The following SLC10A1 variants were observed in gnomAD, a reference collection of about 807,000 sequenced individuals.
The protein encoded by SLC10A1 is solute carrier family 10 member 1.
SLC10A1 carries 36 observed loss-of-function variants against 20.5 expected under a neutral mutation model. The ratio of observed to expected loss-of-function variants is 1.75; its 90% confidence interval spans 1.34 to 2.32. The LOEUF (loss-of-function observed/expected upper bound fraction) is 2.32. Ranked by LOEUF, SLC10A1 falls within the 30% of genes most tolerant of loss-of-function variation. SLC10A1 has a pLI of 0.00. For synonymous variants in SLC10A1, 188 were observed against 163.6 expected (o/e 1.15, Z -1.14); for missense variants, 545 against 439.1 (o/e 1.24, Z -2.16).
intron 4 of SLC10A1, among the ~76,000 whole-genome samples, chr14:69,777,984 C>G (rs1883488772): frequency 6.6e-6 from 1 of 152,064 alleles, no homozygotes; most frequent in Non-Finnish European, 1.5e-5. Context: ...TTCCCCAACT[C>G]TTGCGAATAG....
intron 1 of SLC10A1, among the ~76,000 whole-genome samples, chr14:69,789,414 ATG>A (rs1883793262): frequency 2.0e-5 from 3 of 152,378 alleles, no homozygotes; most frequent in African/African-American, 7.2e-5. Context: ...TATCACATGA[ATG>A]AACCTTGAAA....
At chr14:69,780,270 C>T (rs1166726978) in intron 2 of SLC10A1, among the ~76,000 whole-genome samples, 1 of 152,222 alleles carries the variant, frequency 6.6e-6, no homozygotes, top group Non-Finnish European at 1.5e-5. Flanking sequence ...TGCATGTGCA[C>T]TCCATGCACT....
At chr14:69,792,833 C>A (rs1451060733) in intron 1 of SLC10A1, among the ~76,000 whole-genome samples, 32 of 122,146 alleles carry the variant, frequency 2.6e-4, no homozygotes, top group Admixed American at 4.0e-4. Flanking sequence ...GCCTATTTCT[C>A]AAAAAAAAAA....
At position 69,776,381 on chromosome 14, in the gene SLC10A1, T is replaced by G. The variant is rs944531709; in HGVS notation, c.951A>C (p.Thr317=). The change falls in exon 5 of 5, where the codon ACA becomes ACC. Residue 317 remains threonine, a synonymous_variant. Transcript: ENST00000216540. ...YEKFKTPKDK[T]KMIYTAATTE... The stretch of plus-strand genomic sequence containing the variant: ...TTGTGGCAGCTGTGTAGATCATTTT[T>G]GTTTTATCTGTAAAGTTAAAAAGGG... The G allele has an allele frequency of 5.0e-6, 8 of 1,609,330 alleles. No individual in the cohort carries two copies. The highest frequency in any genetic ancestry group is 6.8e-6 in the Non-Finnish European group (8 of 1,177,902).
At chr14:69,777,026 AC>A (rs2139708423) in intron 4 of SLC10A1, among the ~76,000 whole-genome samples, 1 of 152,328 alleles carries the variant, frequency 6.6e-6, no homozygotes, top group Admixed American at 6.5e-5. Flanking sequence ...CTTCTGAGAT[AC>A]ACTGTGAGGA....
intron 4 of SLC10A1, among the ~76,000 whole-genome samples, chr14:69,777,591 TTTTTTTTTTTTTTTA>T (rs1453835018): frequency 1.0e-4 from 10 of 96,574 alleles, no homozygotes; most frequent in East Asian, 2.6e-4. Context: ...TTTTTTTTTT[TTTTTTTTTTTTTTTA>T]AAATTGGTGT....
rs1263871879 is a variant in SLC10A1 at position 69,786,275 on chromosome 14, G to A, written c.389C>T (p.Ala130Val). The A allele has an allele frequency of 6.2e-7, 1 of 1,614,116 alleles. No homozygotes were observed. The highest frequency in any genetic ancestry group is 8.5e-7 in the Non-Finnish European group (1 of 1,180,014). The change falls in exon 2 of 5, where the codon GCC (alanine) becomes GTC (valine). Residue 130 changes from alanine to valine, a missense_variant. Transcript: ENST00000216540. ...IVMTTCSTFC[A>V]LGMMPLLLYI... Reference sequence around the variant, plus strand: ...CAGGAGGAGAGGCATCATGCCAAGGGCACAGAAGGTGGAGCAGGTGGTCAT... The same window carrying A: ...CAGGAGGAGAGGCATCATGCCAAGGACACAGAAGGTGGAGCAGGTGGTCAT...
intron 1 of SLC10A1, 35 bp downstream of exon 1, chr14:69,796,765 G>C: frequency 6.5e-7 from 1 of 1,533,820 alleles, no homozygotes. Context: ...TGTAGCTCCT[G>C]TCCCAGGCTG....
rs759955185 is a variant in SLC10A1, at chr14:69,779,288, T to C, written c.640A>G (p.Ile214Val). 3 of 1,613,904 alleles carry C rather than the reference T, an allele frequency of 1.9e-6. No individual in the cohort carries two copies. In the East Asian group the frequency reaches 6.7e-5, roughly 36 times the overall value. Residue 214 changes from isoleucine (I) to valine (V), a missense_variant, in exon 3 of 5, where the codon ATC becomes GTC. By Grantham distance (29) the Ile-to-Val change is conservative (BLOSUM62 3). Coordinates refer to ENST00000216540, the MANE Select transcript of SLC10A1 (RefSeq NM_003049.4). ...AAGAGTGGTGTCATGGCAAACATGA[T>C]GCTCTTCCCCACATTGATGGCAGAG... ...VLSAINVGKS[I>V]MFAMTPLLIA...
At position 69,796,420 on chromosome 14, in the gene SLC10A1, A is replaced by C. The variant is rs577918127; in HGVS notation, c.356+380T>G. Among the ~76,000 whole-genome samples, 92 of 152,330 alleles carry C rather than the reference A, an allele frequency of 6.0e-4. 1 individual carries two copies. In the South Asian group the frequency reaches 6.8e-3, roughly 11 times the overall value. ...CCTGATGATGTTTGGAACGAATCACACTACCTTTTAAATCTCTGGGCTCAA... is the reference window on the plus strand; with the variant it reads ...CCTGATGATGTTTGGAACGAATCACCCTACCTTTTAAATCTCTGGGCTCAA... On this transcript the variant is annotated intron_variant, in intron 1 of 4. Coordinates refer to ENST00000216540, the MANE Select transcript of SLC10A1 (RefSeq NM_003049.4).
rs140035207 is a variant in SLC10A1, at chr14:69,795,400, C to CTTTT, written c.356+1396_356+1399dup. 1.2e-3 allele frequency among the ~76,000 whole-genome samples: 154 copies of CTTTT among 128,822 alleles called. 2 individuals carry two copies. The highest frequency in any genetic ancestry group is 4.3e-3 in the African/African-American group (143 of 33,048). The allele number at this position is 128,822 out of a possible 152,430, so 84.5% of individuals were successfully genotyped here. ...TCATTCACTCTCACTTTTTTATTTC[C>CTTTT]TTTTTTTTTTTTTTTTTGAGAGAGA... On this transcript the variant is annotated intron_variant, in intron 1 of 4. Coordinates refer to ENST00000216540, the MANE Select transcript of SLC10A1 (RefSeq NM_003049.4).
At chr14:69,781,358 A>G (rs79482254) in intron 2 of SLC10A1, among the ~76,000 whole-genome samples, 2,740 of 152,296 alleles carry the variant, frequency 0.018, 67 homozygotes, top group African/African-American at 0.062. Context: ...CACAACTGGG[A>G]TGAGTGCTCA....
chr14:69,779,491 A>AGACCTTT, intron 2 of SLC10A1, 131 bp from the exon 3 acceptor site: 1 of 629,454 alleles, frequency 1.6e-6, no homozygotes. Context: ...GGAATATGAA[A>AGACCTTT]GACCTTTATC....
In SLC10A1 at chr14:69,784,513, C is replaced by T. The variant is rs537348026; in HGVS notation, c.567+1584G>A. Among the ~76,000 whole-genome samples, 1,264 of 151,722 alleles carry T rather than the reference C, an allele frequency of 8.3e-3. 14 individuals carry two copies. Among genetic ancestry groups the T allele is most frequent in the Non-Finnish European group, 9.5e-3 (645 of 67,972 alleles). On this transcript the variant is annotated intron_variant, in intron 2 of 4. Coordinates refer to ENST00000216540, the MANE Select transcript of SLC10A1 (RefSeq NM_003049.4). Reference sequence around the variant, plus strand: ...GAAATGGAAGGTGTTTGAGAGGAAGCGATTGACAGAGAGAGAGAGGAGTGA... The same window carrying T: ...GAAATGGAAGGTGTTTGAGAGGAAGTGATTGACAGAGAGAGAGAGGAGTGA...
chr14:69,793,205 A>G (rs146762696), intron 1 of SLC10A1, among the ~76,000 whole-genome samples: 320 of 152,188 alleles, frequency 2.1e-3, no homozygotes, highest in African/African-American at 7.4e-3. Flanking sequence ...CAGCTTGGGT[A>G]TGCAGGAGCC....
In SLC10A1 at chr14:69,776,420, G is replaced by C. The variant is rs569872092; in HGVS notation, c.944-32C>G. 128 of 1,516,284 alleles carry C rather than the reference G, an allele frequency of 8.4e-5. No individual in the cohort carries two copies. In the East Asian group the frequency reaches 2.5e-3, roughly 29 times the overall value. 93.9% of individuals were successfully genotyped at this position (1,516,284 alleles called of 1,614,324 possible). ...AGTTAAAAAGGGTTACAGGTGTAGA[G>C]AGAGAACAAGAGGAGTGAACAATGA... On this transcript the variant is annotated intron_variant, in intron 4 of 4. Coordinates refer to ENST00000216540, the MANE Select transcript of SLC10A1 (RefSeq NM_003049.4).
intron 1 of SLC10A1, among the ~76,000 whole-genome samples, chr14:69,794,830 A>C (rs1310218386): frequency 6.6e-6 from 1 of 152,156 alleles, no homozygotes; most frequent in Non-Finnish European, 1.5e-5. Context: ...GAGGTTGAGC[A>C]GGAGAGCATG....
chr14:69,789,304 C>A (rs1277728197), intron 1 of SLC10A1, among the ~76,000 whole-genome samples: 1 of 152,186 alleles, frequency 6.6e-6, no homozygotes, highest in African/African-American at 2.4e-5. Flanking sequence ...AGAAACAACC[C>A]ATGTGTCCAT....
rs1206089984 is a variant in SLC10A1 at position 69,775,469 on chromosome 14, TA to T, written c.*812del. On this transcript the variant is annotated 3_prime_UTR_variant, in exon 5 of 5. Coordinates refer to ENST00000216540, the MANE Select transcript of SLC10A1 (RefSeq NM_003049.4). ...GAGACAATTTGAAATTTGTGAATTC[TA>T]GGTATTTGAACATTTTTCTTTGAAT... The T allele has an allele frequency of 6.6e-6, 1 of 152,260 alleles. No homozygotes were observed. The highest frequency in any genetic ancestry group is 1.5e-5 in the Non-Finnish European group (1 of 68,050). 9.4% of individuals were successfully genotyped at this position (152,260 alleles called of 1,614,324 possible).
Sources: gnomAD v4.1 joint callset for allele counts (sites outside exome capture counted in the v4.1 genomes callset) on GRCh38, gnomAD v4.1.1 for gene constraint, MANE v1.5 for transcripts, NCBI Gene and HGNC (gene_info 2026-07-23, HGNC 2026-07-21) for gene names.